C12orf54: variants seen among roughly 807,000 people sequenced by gnomAD.
C12orf54 encodes the protein chromosome 12 open reading frame 54, also known as uncharacterized protein C12orf54.
Under a neutral mutation model 26.4 loss-of-function variants are expected in C12orf54, and 24 were observed. The ratio of observed to expected loss-of-function variants is 0.91; its 90% confidence interval spans 0.66 to 1.28. The LOEUF (loss-of-function observed/expected upper bound fraction) is 1.28. Ranked by LOEUF, C12orf54 falls within the 50% of genes most tolerant of loss-of-function variation. The probability of loss-of-function intolerance (pLI) is 0.00; values close to 1 mark genes in which losing one functional copy is unlikely to be tolerated. For synonymous variants in C12orf54, 54 were observed against 47.0 expected (o/e 1.15, Z -0.61); for missense variants, 154 against 150.9 (o/e 1.02, Z -0.11).
upstream of C12orf54, among the ~76,000 whole-genome samples, chr12:48,478,316 C>G (rs938909588): frequency 3.9e-5 from 6 of 152,188 alleles, no homozygotes; most frequent in Non-Finnish European, 8.8e-5. Flanking sequence ...AAACTCAAAG[C>G]ATTCCCTTTG....
chr12:48,430,206 A>G, the C12orf54 span, among the ~76,000 whole-genome samples: 1 of 152,226 alleles, frequency 6.6e-6, no homozygotes, highest in Admixed American at 6.5e-5. Context: ...AAATTCTAGA[A>G]GATAACATTG....
the C12orf54 span, among the ~76,000 whole-genome samples, chr12:48,414,461 T>G: frequency 1.3e-5 from 2 of 152,230 alleles, no homozygotes; most frequent in South Asian, 4.1e-4. Flanking sequence ...TAAAGGCTAG[T>G]GTGTTGGTAT....
intron 7 of C12orf54, among the ~76,000 whole-genome samples, chr12:48,493,673 T>TAAAGAAAATTAATAAAAGTTAATTTTCAA (rs1937843396): frequency 7.4e-6 from 1 of 135,700 alleles, no homozygotes; most frequent in Admixed American, 7.5e-5. Flanking sequence ...AAGAAAGTTA[T>TAAAGAAAATTAATAAAAGTTAATTTTCAA]AAAGAAAATT....
At chr12:48,431,510 T>G in the C12orf54 span, among the ~76,000 whole-genome samples, 1 of 152,044 alleles carries the variant, frequency 6.6e-6, no homozygotes, top group Non-Finnish European at 1.5e-5. Context: ...TGAAAAATAG[T>G]GATGAAAATT....
At chr12:48,455,144 G>T in the C12orf54 span, among the ~76,000 whole-genome samples, 1 of 152,064 alleles carries the variant, frequency 6.6e-6, no homozygotes, top group Non-Finnish European at 1.5e-5. Flanking sequence ...TCTCCTCTTT[G>T]TGTCCCTGTG....
chr12:48,423,740 G>A, the C12orf54 span, among the ~76,000 whole-genome samples: 1 of 151,968 alleles, frequency 6.6e-6, no homozygotes, highest in Non-Finnish European at 1.5e-5. Context: ...AAACTGACTA[G>A]TTCTACTAAC....
At chr12:48,477,368 C>T in the C12orf54 span, among the ~76,000 whole-genome samples, 2 of 152,076 alleles carry the variant, frequency 1.3e-5, no homozygotes, top group African/African-American at 2.4e-5. Flanking sequence ...CATTCAAAAG[C>T]TAGCAGAAGG....
At chr12:48,484,669 G>C (rs936941450) in intron 2 of C12orf54, among the ~76,000 whole-genome samples, 1 of 152,204 alleles carries the variant, frequency 6.6e-6, no homozygotes, top group African/African-American at 2.4e-5. Flanking sequence ...CAATAGCATA[G>C]TAGCGTGACT....
the C12orf54 span, among the ~76,000 whole-genome samples, chr12:48,470,341 G>A: frequency 6.6e-6 from 1 of 152,120 alleles, no homozygotes; most frequent in Admixed American, 6.6e-5. Flanking sequence ...TTTCTCCGCA[G>A]CCTCACCAAC....
chr12:48,428,640 A>C, the C12orf54 span, among the ~76,000 whole-genome samples: 1 of 152,152 alleles, frequency 6.6e-6, no homozygotes, highest in Non-Finnish European at 1.5e-5. Flanking sequence ...TACCCTAAAC[A>C]GACCAATAAC....
chr12:48,464,276 A>G, the C12orf54 span, among the ~76,000 whole-genome samples: 1 of 152,128 alleles, frequency 6.6e-6, no homozygotes, highest in African/African-American at 2.4e-5. Context: ...CTATACACCA[A>G]TAACAGCCAA....
the C12orf54 span, among the ~76,000 whole-genome samples, chr12:48,413,704 A>G: frequency 6.6e-6 from 1 of 152,176 alleles, no homozygotes; most frequent in Non-Finnish European, 1.5e-5. Flanking sequence ...ACTTTTTTAC[A>G]CTTTTTATGA....
chr12:48,444,908 C>T, the C12orf54 span, among the ~76,000 whole-genome samples: 5 of 152,320 alleles, frequency 3.3e-5, no homozygotes, highest in South Asian at 8.3e-4. Flanking sequence ...CGCAGTGGCT[C>T]ACGCCTGTAA....
chr12:48,477,873 G>A (rs1292804648), upstream of C12orf54, among the ~76,000 whole-genome samples: 9 of 152,268 alleles, frequency 5.9e-5, no homozygotes, highest in South Asian at 1.7e-3. Flanking sequence ...TAGAAAAAAA[G>A]GGAATCCTCC....
rs1309355719 is a variant in C12orf54, at chr12:48,494,093, C to T, written c.243-705C>T. Among the ~76,000 whole-genome samples the T allele has an allele frequency of 4.1e-5, 5 of 123,134 alleles. 2 individuals are homozygous for T. Among genetic ancestry groups the T allele is most frequent in the African/African-American group, 1.6e-4 (5 of 31,968 alleles). 80.8% of individuals were successfully genotyped at this position (123,134 alleles called of 152,430 possible). ...AATTAGCTGGGCGTGGTGGCAGGTG[C>T]CTGTAACCCCAGCTACTCGGGAGGC... On this transcript the variant is annotated intron_variant, in intron 7 of 8. Transcript: ENST00000548364.
chr12:48,446,202 A>G, the C12orf54 span, among the ~76,000 whole-genome samples: 1 of 152,202 alleles, frequency 6.6e-6, no homozygotes. Context: ...TTGTGAGCTG[A>G]CATTGTTTTT....
the C12orf54 span, among the ~76,000 whole-genome samples, chr12:48,420,341 C>T: frequency 6.6e-6 from 1 of 152,210 alleles, no homozygotes; most frequent in Admixed American, 6.5e-5. Context: ...ACAGCCTCAA[C>T]ATTCACCTCA....
the C12orf54 span, among the ~76,000 whole-genome samples, chr12:48,431,059 A>G: frequency 6.6e-6 from 1 of 152,176 alleles, no homozygotes; most frequent in South Asian, 2.1e-4. Flanking sequence ...GGAAAACCAA[A>G]CATTGTATGT....
the C12orf54 span, among the ~76,000 whole-genome samples, chr12:48,441,346 C>T: frequency 6.6e-6 from 1 of 152,096 alleles, no homozygotes; most frequent in African/African-American, 2.4e-5. Context: ...GACAGTAATC[C>T]CAGCTACTTG....
Sources: gnomAD v4.1 joint callset for allele counts (sites outside exome capture counted in the v4.1 genomes callset) on GRCh38, gnomAD v4.1.1 for gene constraint, MANE v1.5 for transcripts, NCBI Gene and HGNC (gene_info 2026-07-23, HGNC 2026-07-21) for gene names.